The following NOP58 variants were observed in gnomAD, a reference collection of about 807,000 sequenced individuals.
NOP58 encodes NOP58 ribonucleoprotein, also known as nucleolar protein 58.
NOP58 carries 44 observed loss-of-function variants against 71.2 expected under a neutral mutation model. That is an observed-to-expected ratio of 0.62 (90% CI 0.49 to 0.79). The LOEUF (loss-of-function observed/expected upper bound fraction) is 0.79, where lower values mean the gene tolerates loss of function less well. NOP58 is among the 30% of genes least tolerant of loss of function. The probability of loss-of-function intolerance (pLI) is 0.00; values close to 1 mark genes in which losing one functional copy is unlikely to be tolerated. For synonymous variants in NOP58, 228 were observed against 200.3 expected (o/e 1.14, Z -1.17); for missense variants, 538 against 620.2 (o/e 0.87, Z 1.41).
At chr2:202,286,500 G>A (rs1363335807) in intron 5 of NOP58, among the ~76,000 whole-genome samples, 4 of 151,956 alleles carry the variant, frequency 2.6e-5, no homozygotes, top group South Asian at 2.1e-4. Context: ...GTAAGACTCC[G>A]TCTCAAAACA....
At chr2:202,294,686 C>T (rs1206019499) in intron 9 of NOP58, among the ~76,000 whole-genome samples, 7 of 152,088 alleles carry the variant, frequency 4.6e-5, no homozygotes, top group Admixed American at 3.3e-4. Flanking sequence ...CCAGCAGGGC[C>T]GGGTGTGGTG....
intron 9 of NOP58, chr2:202,293,130 G>A (rs1404453747): frequency 1.4e-6 from 1 of 709,452 alleles, no homozygotes; most frequent in South Asian, 1.4e-5. Flanking sequence ...CCTCTTCTGA[G>A]ACACTTGTGG....
At chr2:202,276,614 C>T (rs977976656) in intron 2 of NOP58, 6 of 355,886 alleles carry the variant, frequency 1.7e-5, no homozygotes, top group African/African-American at 8.3e-5. Context: ...CCAAGGCAGG[C>T]GGATCAGTTG....
rs760457044 is a variant in NOP58, at chr2:202,295,850, G to A, written c.1071+13G>A. On this transcript the variant is annotated intron_variant, in intron 10 of 14. Coordinates refer to ENST00000264279, the MANE Select transcript of NOP58 (RefSeq NM_015934.5). Reference sequence around the variant, plus strand: ...ACACAAAGGAAAGGTGTGTTATAGGGTTTTGCTTTGTTTTTGAGGTTAGAC... The same window carrying A: ...ACACAAAGGAAAGGTGTGTTATAGGATTTTGCTTTGTTTTTGAGGTTAGAC... 2 of 1,515,996 alleles carry A rather than the reference G, an allele frequency of 1.3e-6. No homozygotes were observed. Among genetic ancestry groups the A allele is most frequent in the African/African-American group, 1.4e-5 (1 of 71,380 alleles). The allele number at this position is 1,515,996 out of a possible 1,614,324, so 93.9% of individuals were successfully genotyped here. A position where few individuals can be genotyped will look rare whatever the true frequency, so the allele number is the denominator to read the frequency against.
At chr2:202,288,144 A>T (rs1328304456) in intron 6 of NOP58, among the ~76,000 whole-genome samples, 1 of 152,050 alleles carries the variant, frequency 6.6e-6, no homozygotes, top group Non-Finnish European at 1.5e-5. Context: ...ACATAAGTGC[A>T]ATCTTTGTAG....
chr2:202,289,347 C>T (rs756670659), intron 6 of NOP58, among the ~76,000 whole-genome samples: 3 of 152,310 alleles, frequency 2.0e-5, no homozygotes, highest in Middle Eastern at 3.4e-3. Context: ...GCTCTGAAAT[C>T]TAAAACTTTT....
chr2:202,284,418 A>G lies in NOP58; in HGVS notation c.371A>G (p.Asp124Gly), dbSNP rs780129624. 1.2e-6 allele frequency: 2 copies of G among 1,613,912 alleles called. No individual in the cohort carries two copies. The highest frequency in any genetic ancestry group is 2.2e-5 in the East Asian group (1 of 44,876). ...ELMRGIRSQMDGLIPGVEPRE... is the reference protein window; with the variant it reads ...ELMRGIRSQMGGLIPGVEPRE... ...ATGAGAGGAATTCGTTCACAAATGG[A>G]TGGATTAATCCCTGGGGTAGAACCA... The change falls in exon 5 of 15, where the codon GAT (aspartate) becomes GGT (glycine). Residue 124 changes from aspartate (D) to glycine (G), a missense_variant. Physicochemically the swap from Asp to Gly is moderately conservative, Grantham distance 94. Transcript: ENST00000264279.
intron 4 of NOP58, among the ~76,000 whole-genome samples, chr2:202,283,521 A>C (rs1688740796): frequency 6.6e-6 from 1 of 150,578 alleles, no homozygotes; most frequent in African/African-American, 2.5e-5. Context: ...GCTCACTGCA[A>C]CCTCCGCCTC....
intron 3 of NOP58, among the ~76,000 whole-genome samples, chr2:202,280,651 TAAAG>T (rs1334043759): frequency 6.6e-6 from 1 of 151,676 alleles, no homozygotes; most frequent in Non-Finnish European, 1.5e-5. Flanking sequence ...TTTTTTTAAA[TAAAG>T]AAATAGGGTC....
At chr2:202,270,042 A>G (rs1332159335) in intron 1 of NOP58, among the ~76,000 whole-genome samples, 2 of 152,246 alleles carry the variant, frequency 1.3e-5, no homozygotes, top group Admixed American at 6.5e-5. Flanking sequence ...AAATGTCTAT[A>G]TAAAACCTAA....
intron 1 of NOP58, among the ~76,000 whole-genome samples, chr2:202,272,373 C>T (rs1013124979): frequency 6.6e-6 from 1 of 152,012 alleles, no homozygotes; most frequent in South Asian, 2.1e-4. Context: ...CTAGGATGGT[C>T]TCGATCTCCT....
chr2:202,285,593 A>C (rs1346173652), intron 5 of NOP58, among the ~76,000 whole-genome samples: 1 of 151,904 alleles, frequency 6.6e-6, no homozygotes, highest in Non-Finnish European at 1.5e-5. Flanking sequence ...CACTTGCCTT[A>C]GCCTCCCAAA....
At chr2:202,301,189 C>CT (rs1224362606) in intron 13 of NOP58, among the ~76,000 whole-genome samples, 3 of 151,826 alleles carry the variant, frequency 2.0e-5, no homozygotes, top group South Asian at 2.1e-4. Context: ...TTTCCCCCCT[C>CT]TTTTTTTACC....
In NOP58 at chr2:202,265,824, G is replaced by A; in HGVS notation, c.-118G>A. ...GTTCTGATTCTTTGCGGGACGGCGA[G>A]CGCATTTGTGCTTTGCCCGCCGCGG... is the stretch of plus-strand genomic sequence containing the variant. On this transcript the variant is annotated 5_prime_UTR_variant, in exon 1 of 15. Coordinates refer to ENST00000264279, the MANE Select transcript of NOP58 (RefSeq NM_015934.5). 13 of 1,046,768 alleles carry A rather than the reference G, an allele frequency of 1.2e-5. No individual in the cohort carries two copies. The highest frequency in any genetic ancestry group is 1.9e-5 in the Non-Finnish European group (13 of 683,848). 64.8% of individuals were successfully genotyped at this position (1,046,768 alleles called of 1,614,324 possible).
intron 5 of NOP58, among the ~76,000 whole-genome samples, chr2:202,287,213 C>T (rs965922587): frequency 2.6e-5 from 4 of 151,842 alleles, no homozygotes; most frequent in African/African-American, 7.3e-5. Flanking sequence ...GAGATTCAGG[C>T]GTGCCCCACC....
chr2:202,290,666 C>A (rs918504469), intron 7 of NOP58, among the ~76,000 whole-genome samples: 1 of 151,780 alleles, frequency 6.6e-6, no homozygotes, highest in African/African-American at 2.4e-5. Flanking sequence ...GATATTAGTA[C>A]CTAATGCTAA....
intron 5 of NOP58, among the ~76,000 whole-genome samples, chr2:202,285,534 C>T (rs766234129): frequency 2.1e-4 from 32 of 151,124 alleles, no homozygotes; most frequent in Admixed American, 4.6e-4. Context: ...TTTGTAGAGA[C>T]GGGGTTTTGC....
At chr2:202,301,572 T>TCAA (rs567204775) in intron 13 of NOP58, among the ~76,000 whole-genome samples, 130 of 152,288 alleles carry the variant, frequency 8.5e-4, no homozygotes, top group Non-Finnish European at 1.5e-3. Flanking sequence ...TGACAGCAAA[T>TCAA]CCTCTCAGTT....
intron 10 of NOP58, among the ~76,000 whole-genome samples, chr2:202,296,749 T>G (rs185706540): frequency 1.1e-5 from 1 of 91,308 alleles, no homozygotes; most frequent in East Asian, 3.4e-4. Flanking sequence ...TTGTTTGTTT[T>G]TTGAGATGGA....
Sources: gnomAD v4.1 joint callset for allele counts (sites outside exome capture counted in the v4.1 genomes callset) on GRCh38, gnomAD v4.1.1 for gene constraint, MANE v1.5 for transcripts, NCBI Gene and HGNC (gene_info 2026-07-23, HGNC 2026-07-21) for gene names.